The following SEMA4D variants were observed in gnomAD, a reference collection of about 807,000 sequenced individuals.
SEMA4D encodes the protein semaphorin-4D.
Under a neutral mutation model 74.8 loss-of-function variants are expected in SEMA4D, and 22 were observed. The observed-to-expected ratio is 0.29, with a 90% confidence interval of 0.21 to 0.42. The LOEUF is 0.42. SEMA4D is among the 10% of genes least tolerant of loss of function. The pLI, the probability that SEMA4D is intolerant of heterozygous loss-of-function variation, is 1.00. For missense variants in SEMA4D, 937 were observed against 1,118.4 expected (o/e 0.84, Z 2.31); for synonymous variants, 445 against 463.7 (o/e 0.96, Z 0.52).
At chr9:89,446,865 CTG>C (rs1330823823) in intron 2 of SEMA4D, among the ~76,000 whole-genome samples, 1 of 152,210 alleles carries the variant, frequency 6.6e-6, no homozygotes, top group Non-Finnish European at 1.5e-5. Flanking sequence ...CCTGCCCACA[CTG>C]TGTCCAGCTC....
intron 16 of SEMA4D, chr9:89,365,577 CAAAAT>C (rs1235123984): frequency 1.3e-5 from 2 of 152,228 alleles, no homozygotes; most frequent in East Asian, 3.9e-4. Flanking sequence ...CTCACAATGA[CAAAAT>C]GAAGTGTGGC....
In SEMA4D at chr9:89,381,459, A is replaced by G; in HGVS notation, c.1447-113T>C. The G allele has an allele frequency of 9.4e-7, 1 of 1,064,172 alleles. No individual in the cohort carries two copies. Among genetic ancestry groups the G allele is most frequent in the Non-Finnish European group, 1.3e-6 (1 of 758,716 alleles). 65.9% of individuals were successfully genotyped at this position (1,064,172 alleles called of 1,614,324 possible). On this transcript the variant is annotated intron_variant, in intron 13 of 15. Coordinates refer to ENST00000422704, the MANE Select transcript of SEMA4D (RefSeq NM_001371194.2). The surrounding 1 kb of genome is among the most constrained non-coding windows in gnomAD (Gnocchi z 4.6). ...CAGCCAGAGTGTACCTTCAGGGGAC[A>G]TTGCAGTAAGGAGGAGAGGTACTCA...
chr9:89,365,740 C>T (rs971327367), intron 16 of SEMA4D: 1 of 152,250 alleles, frequency 6.6e-6, no homozygotes, highest in Non-Finnish European at 1.5e-5. Context: ...CATCCAGTTA[C>T]AGGTATTAAA....
intron 1 of SEMA4D, among the ~76,000 whole-genome samples, chr9:89,467,640 T>C (rs1318378223): frequency 6.6e-6 from 1 of 151,610 alleles, no homozygotes; most frequent in Non-Finnish European, 1.5e-5. Context: ...CAAGAGATTC[T>C]CCTGCCTCAG....
At chr9:89,491,829 A>T (rs900683564) in intron 1 of SEMA4D, among the ~76,000 whole-genome samples, 1 of 152,128 alleles carries the variant, frequency 6.6e-6, no homozygotes, top group Non-Finnish European at 1.5e-5. Context: ...AAATGCTCAC[A>T]GTCCACCAGC....
intron 9 of SEMA4D, among the ~76,000 whole-genome samples, chr9:89,390,288 T>C (rs1839538174): frequency 6.6e-6 from 1 of 152,140 alleles, no homozygotes; most frequent in Admixed American, 6.5e-5. Flanking sequence ...CAAGGGGCAC[T>C]GGCTTGCCCC....
rs1411329266 is a variant in SEMA4D at position 89,377,278 on chromosome 9, T to C, written c.*1426A>G. The C allele has an allele frequency of 7.3e-6, 4 of 551,680 alleles. No individual in the cohort carries two copies. The Admixed American group carries it at 1.2e-4, about 17-fold the overall frequency. 34.2% of individuals were successfully genotyped at this position (551,680 alleles called of 1,614,324 possible). ...CATTTATTTGGGTACTTTCCAAATG[T>C]ATACAATTCAAAGTAGAAAAATAAA... On this transcript the variant is annotated 3_prime_UTR_variant, in exon 16 of 16. Transcript: ENST00000422704.
At chr9:89,427,325 C>G (rs1302579166) in intron 2 of SEMA4D, among the ~76,000 whole-genome samples, 1 of 152,130 alleles carries the variant, frequency 6.6e-6, no homozygotes, top group African/African-American at 2.4e-5. Context: ...CCCAAATAGC[C>G]GTAGATGCCA....
chr9:89,362,251 C>G, exon 19 of SEMA4D: 1 of 1,335,314 alleles, frequency 7.5e-7, no homozygotes, highest in Non-Finnish European at 1.1e-6. Flanking sequence ...CTCTGCCCAT[C>G]AGGTGGTGGC....
chr9:89,442,972 A>T (rs1222938394), intron 2 of SEMA4D, among the ~76,000 whole-genome samples: 4 of 152,230 alleles, frequency 2.6e-5, no homozygotes, highest in African/African-American at 9.6e-5. Flanking sequence ...CACTGGGGCT[A>T]GAGCAACCTC....
chr9:89,362,747 G>A (rs1720839324), intron 18 of SEMA4D, among the ~76,000 whole-genome samples: 1 of 152,238 alleles, frequency 6.6e-6, no homozygotes, highest in Non-Finnish European at 1.5e-5. Flanking sequence ...AACAGTTCGG[G>A]GGTGTACTGC....
intron 2 of SEMA4D, among the ~76,000 whole-genome samples, chr9:89,424,032 CT>C (rs1262343493): frequency 1.5e-4 from 22 of 149,928 alleles, no homozygotes; most frequent in Non-Finnish European, 2.1e-4. Context: ...AGTACCTCTC[CT>C]CCCTCAGCTA....
At chr9:89,475,195 G>A (rs1432331693) in intron 1 of SEMA4D, among the ~76,000 whole-genome samples, 1 of 152,228 alleles carries the variant, frequency 6.6e-6, no homozygotes, top group Non-Finnish European at 1.5e-5. Flanking sequence ...GGCTTTGTGA[G>A]AACCAGTGTC....
chr9:89,450,558 A>G, intron 2 of SEMA4D: 1 of 1,048,086 alleles, frequency 9.5e-7, no homozygotes, highest in Non-Finnish European at 1.5e-6. Flanking sequence ...CATGCAGATA[A>G]CCAGTGGTCC....
chr9:89,475,558 AAAAG>A (rs1861540728), intron 1 of SEMA4D, among the ~76,000 whole-genome samples: 1 of 152,206 alleles, frequency 6.6e-6, no homozygotes. Context: ...CACCTGATGG[AAAAG>A]AAAGAGAAGA....
chr9:89,458,400 C>T (rs1277057215), intron 1 of SEMA4D, among the ~76,000 whole-genome samples: 1 of 152,130 alleles, frequency 6.6e-6, no homozygotes, highest in Non-Finnish European at 1.5e-5. Context: ...CTACAAATTC[C>T]ACATGGTGCA....
Position 89,450,102 on chromosome 9 carries a change from A to G in SEMA4D, c.-244+5786T>C, listed in dbSNP as rs1465052081. 1.9e-5 allele frequency: 23 copies of G among 1,220,342 alleles called. No homozygotes were observed. In the Middle Eastern group the frequency reaches 8.3e-4, roughly 44 times the overall value. The allele number at this position is 1,220,342 out of a possible 1,614,324, so 75.6% of individuals were successfully genotyped here. On this transcript the variant is annotated intron_variant, in intron 2 of 15. Coordinates refer to ENST00000422704, the MANE Select transcript of SEMA4D (RefSeq NM_001371194.2). ...TGCCCACTTATTTAACTGCATGCCA[A>G]TAGAAGGTATGCTGTCACACCAGCT...
chr9:89,483,595 TG>T (rs1413375498), intron 1 of SEMA4D, among the ~76,000 whole-genome samples: 1 of 152,174 alleles, frequency 6.6e-6, no homozygotes, highest in African/African-American at 2.4e-5. Context: ...AGATGTCACA[TG>T]GGGGTCAGTA....
intron 1 of SEMA4D, among the ~76,000 whole-genome samples, chr9:89,482,342 C>T (rs942575985): frequency 1.3e-5 from 2 of 152,164 alleles, no homozygotes; most frequent in South Asian, 2.1e-4. Context: ...TCTGATCAGA[C>T]AGGCACTTGG....
Sources: allele counts gnomAD v4.1 joint callset (sites outside exome capture counted in the v4.1 genomes callset), GRCh38; gene constraint gnomAD v4.1.1; non-coding constraint Gnocchi (gnomAD v3.1); transcripts MANE v1.5; gene names NCBI Gene and HGNC (gene_info 2026-07-23, HGNC 2026-07-21).